ADGRL2: variants seen among roughly 807,000 people sequenced by gnomAD.
ADGRL2 encodes the protein calcium-independent alpha-latrotoxin receptor 2.
ADGRL2 carries 44 observed loss-of-function variants against 157.4 expected under a neutral mutation model. The ratio of observed to expected loss-of-function variants is 0.28; its 90% CI spans 0.22 to 0.36. The LOEUF (loss-of-function observed/expected upper bound fraction) is 0.36. Ranked by LOEUF, ADGRL2 falls within the 10% of genes least tolerant of loss-of-function variation. The pLI, the probability that ADGRL2 is intolerant of heterozygous loss-of-function variation, is 1.00. For missense variants in ADGRL2, 1,510 were observed against 1,768.9 expected (o/e 0.85, Z 2.63); for synonymous variants, 585 against 624.7 (o/e 0.94, Z 0.95).
chr1:81,720,700 CAATATA>C (rs1436654792), intron 1 of ADGRL2, among the ~76,000 whole-genome samples: 2 of 151,856 alleles, frequency 1.3e-5, no homozygotes, highest in African/African-American at 2.4e-5. Flanking sequence ...AAGTACTACT[CAATATA>C]AAAAGGCTAT....
chr1:81,433,365 A>G (rs1325178509), intron 1 of ADGRL2, among the ~76,000 whole-genome samples: 1 of 152,210 alleles, frequency 6.6e-6, no homozygotes, highest in Non-Finnish European at 1.5e-5. Flanking sequence ...GTCATAGACA[A>G]CATAATACTT....
intron 3 of ADGRL2, among the ~76,000 whole-genome samples, chr1:81,592,705 G>A (rs969910885): frequency 1.3e-5 from 2 of 152,166 alleles, no homozygotes; most frequent in East Asian, 3.9e-4. Flanking sequence ...GCTGAAAACT[G>A]TGAGAGCTTG....
At chr1:81,980,487 A>G (rs1262718121) in intron 18 of ADGRL2, among the ~76,000 whole-genome samples, 1 of 151,830 alleles carries the variant, frequency 6.6e-6, no homozygotes, top group East Asian at 1.9e-4. Context: ...AATTAACAAC[A>G]AATGATAGCT....
chr1:81,716,746 C>T lies in ADGRL2; in HGVS notation c.-143+16938C>T, dbSNP rs2084130717. Among the ~76,000 whole-genome samples the T allele has an allele frequency of 2.6e-5, 4 of 152,174 alleles. No individual in the cohort carries two copies. The South Asian group carries it at 8.3e-4, about 32-fold the overall frequency. ...GAGCATAAAAGGGTAAAGCAAAAAT[C>T]AATATATATTCTGAAAAGTATGGAC... On this transcript the variant is annotated intron_variant, in intron 1 of 20. Coordinates refer to the ADGRL2 transcript ENST00000359929.
rs368907653 is a variant in ADGRL2, at chr1:81,951,073, C to T, written c.1560C>T (p.Pro520=). The T allele has an allele frequency of 7.4e-5, 120 of 1,613,436 alleles. No individual in the cohort carries two copies. The highest frequency in any genetic ancestry group is 8.7e-5 in the Non-Finnish European group (103 of 1,179,588). Residue 520 remains proline (P), a synonymous_variant, in exon 8 of 24, where the codon CCC becomes CCT. Transcript: ENST00000686636. The stretch of plus-strand genomic sequence containing the variant: ...CTGGAACATGGAACCCTAAGGGCCC[C>T]GATCTTAGCAACTGTACCTCACACT... ...ISTGTWNPKG[P]DLSNCTSHWV...
chr1:81,810,394 A>T (rs763393890), intron 1 of ADGRL2, among the ~76,000 whole-genome samples: 3 of 113,308 alleles, frequency 2.6e-5, no homozygotes, highest in Non-Finnish European at 5.4e-5. Context: ...TTCTATGTGG[A>T]ATTATTACTC....
chr1:81,582,320 A>G (rs1252815142), intron 3 of ADGRL2, among the ~76,000 whole-genome samples: 1 of 152,084 alleles, frequency 6.6e-6, no homozygotes, highest in East Asian at 1.9e-4. Flanking sequence ...TTTGGAGTTA[A>G]TATTTTCTAA....
chr1:81,939,542 A>G (rs1307329917), intron 4 of ADGRL2, among the ~76,000 whole-genome samples: 2 of 151,548 alleles, frequency 1.3e-5, no homozygotes, highest in Non-Finnish European at 3.0e-5. Context: ...TGTTTATTCA[A>G]TGAAATAGTG....
intron 18 of ADGRL2, chr1:81,981,121 T>C (rs1200518120): frequency 2.2e-6 from 1 of 445,914 alleles, no homozygotes; most frequent in East Asian, 5.4e-5. Flanking sequence ...TAATGCTTTC[T>C]AGCTATGAAG....
rs1307380098 is a variant in ADGRL2 at position 81,993,127 on chromosome 1, A to T, written c.*1982A>T. ...TTTTTTTTTTTTTTTTTTGGGACAG[A>T]GTGTCCCTCTGTCACCCAGGCTGGA... On this transcript the variant is annotated 3_prime_UTR_variant, in exon 24 of 24. Transcript: ENST00000686636. Among the ~76,000 whole-genome samples, 1 of 88,176 alleles carries T rather than the reference A, an allele frequency of 1.1e-5. No individual in the cohort carries two copies. Among genetic ancestry groups the T allele is most frequent in the Non-Finnish European group, 2.0e-5 (1 of 50,006 alleles). The allele number at this position is 88,176 out of a possible 152,430, so 57.8% of individuals were successfully genotyped here.
At chr1:81,491,450 A>G (rs1328131633) in intron 2 of ADGRL2, among the ~76,000 whole-genome samples, 1 of 152,132 alleles carries the variant, frequency 6.6e-6, no homozygotes, top group Non-Finnish European at 1.5e-5. Flanking sequence ...TTCAAAAAAA[A>G]AGACTACTCA....
chr1:81,325,350 G>C (rs917018128), intron 1 of ADGRL2, among the ~76,000 whole-genome samples: 2 of 152,180 alleles, frequency 1.3e-5, no homozygotes, highest in Non-Finnish European at 2.9e-5. Context: ...TGTCTGCACT[G>C]TGTGTAACAC....
chr1:81,580,592 C>T (rs188891861), intron 2 of ADGRL2, among the ~76,000 whole-genome samples: 12 of 152,120 alleles, frequency 7.9e-5, no homozygotes, highest in African/African-American at 2.4e-4. Context: ...GAGTATCACT[C>T]ACTATAAATA....
chr1:81,814,068 T>G (rs2090143261), intron 1 of ADGRL2, among the ~76,000 whole-genome samples: 1 of 151,780 alleles, frequency 6.6e-6, no homozygotes, highest in Admixed American at 6.6e-5. Flanking sequence ...ATTGTTCTCA[T>G]AAAAGTATTA....
intron 3 of ADGRL2, among the ~76,000 whole-genome samples, chr1:81,930,502 A>G (rs567221473): frequency 8.3e-4 from 127 of 152,322 alleles, no homozygotes; most frequent in South Asian, 5.0e-3. Flanking sequence ...GGAAGATAAA[A>G]TATACTGTTT....
rs187893700 is a variant in ADGRL2 at position 81,787,000 on chromosome 1, C to T, written c.-101+25148C>T. Among the ~76,000 whole-genome samples the T allele has an allele frequency of 1.4e-3, 213 of 152,162 alleles. 5 individuals carry two copies. In the South Asian group the frequency reaches 0.04, roughly 29 times the overall value. ...AATCATGGGGATGGGGGTGGTTTCC[C>T]CTATACTGTTCTCGTGGTAGTGAAT... On this transcript the variant is annotated intron_variant, in intron 2 of 20. Transcript: ENST00000359929.
rs3838455 is a variant in ADGRL2, at chr1:81,945,868, TTCTCTCTCTCTC to T, written c.1210+2109_1210+2120del. On this transcript the variant is annotated intron_variant, in intron 6 of 23. Transcript: ENST00000686636. ...CTCACTGCTGTTTGACCCATATTCATTCTCTCTCTCTCTCTCTCTCTTTGTAATTTATATTAT... is the reference window on the plus strand; with the variant it reads ...CTCACTGCTGTTTGACCCATATTCATTCTCTCTCTTTGTAATTTATATTAT... Among the ~76,000 whole-genome samples the T allele has an allele frequency of 6.7e-5, 10 of 150,350 alleles. No individual in the cohort carries two copies. In the East Asian group the frequency reaches 1.2e-3, roughly 18 times the overall value.
chr1:81,687,465 G>A (rs558003444), intron 3 of ADGRL2, among the ~76,000 whole-genome samples: 1 of 152,252 alleles, frequency 6.6e-6, no homozygotes, highest in East Asian at 1.9e-4. Flanking sequence ...AGCTACCCCT[G>A]CTCACTTTTG....
intron 1 of ADGRL2, among the ~76,000 whole-genome samples, chr1:81,387,435 T>C (rs1193099503): frequency 6.6e-6 from 1 of 152,130 alleles, no homozygotes; most frequent in African/African-American, 2.4e-5. Flanking sequence ...TTCTATATAA[T>C]AACCAAAAAG....
Sources: gnomAD v4.1 joint callset for allele counts (sites outside exome capture counted in the v4.1 genomes callset) on GRCh38, gnomAD v4.1.1 for gene constraint, MANE v1.5 for transcripts, NCBI Gene and HGNC (gene_info 2026-07-23, HGNC 2026-07-21) for gene names.